SLC4A10: variants seen among roughly 807,000 people sequenced by gnomAD.
SLC4A10 encodes the protein sodium-driven chloride bicarbonate exchanger.
In SLC4A10, 42 loss-of-function variants were observed where a neutral mutation model predicts 137.7. That is an observed-to-expected ratio of 0.30 (90% CI 0.24 to 0.39). SLC4A10 has a LOEUF of 0.39. Among genes scored for constraint, SLC4A10 ranks in the 10% least tolerant of loss-of-function variants. The pLI is 1.00. For synonymous variants in SLC4A10, 474 were observed against 464.1 expected, an observed-to-expected ratio of 1.02 and a Z score of -0.27; for missense variants, 925 against 1,355.0, an observed-to-expected ratio of 0.68 and a Z score of 4.98.
chr2:161,639,573 C>A (rs1363294340), intron 1 of SLC4A10, among the ~76,000 whole-genome samples: 1 of 152,090 alleles, frequency 6.6e-6, no homozygotes, highest in African/African-American at 2.4e-5. Context: ...AATTTAATAT[C>A]CCTTTGTGAT....
intron 15 of SLC4A10, among the ~76,000 whole-genome samples, chr2:161,932,975 T>C (rs1167834368): frequency 6.6e-6 from 1 of 152,294 alleles, no homozygotes; most frequent in Non-Finnish European, 1.5e-5. Context: ...CACAAGGTAT[T>C]GGTCTTTCTG....
At chr2:161,654,406 T>G (rs1262454510) in intron 1 of SLC4A10, among the ~76,000 whole-genome samples, 1 of 152,218 alleles carries the variant, frequency 6.6e-6, no homozygotes, top group African/African-American at 2.4e-5. Flanking sequence ...CATTTGTATA[T>G]TTTTGCTTTT....
chr2:161,898,466 G>A (rs193100157), intron 11 of SLC4A10, among the ~76,000 whole-genome samples: 11 of 152,146 alleles, frequency 7.2e-5, no homozygotes, highest in South Asian at 6.2e-4. Context: ...TCTATTAGAC[G>A]GAGTGAAATG....
At chr2:161,886,772 C>G (rs1331696618) in intron 10 of SLC4A10, among the ~76,000 whole-genome samples, 1 of 151,902 alleles carries the variant, frequency 6.6e-6, no homozygotes, top group Non-Finnish European at 1.5e-5. Context: ...ACCCCCAAAT[C>G]ATCAATCTTA....
At chr2:161,657,993 C>T (rs1036980210) in intron 1 of SLC4A10, among the ~76,000 whole-genome samples, 1 of 152,136 alleles carries the variant, frequency 6.6e-6, no homozygotes, top group African/African-American at 2.4e-5. Context: ...GAGTATTTTA[C>T]TTGTTAATAG....
chr2:161,785,040 A>T (rs1375093971), intron 2 of SLC4A10, among the ~76,000 whole-genome samples: 1 of 151,680 alleles, frequency 6.6e-6, no homozygotes, highest in East Asian at 1.9e-4. Flanking sequence ...TAAATCATAT[A>T]TTAAAGAGGA....
intron 5 of SLC4A10, among the ~76,000 whole-genome samples, chr2:161,857,605 A>G (rs367543729): frequency 7.0e-4 from 106 of 152,272 alleles, no homozygotes; most frequent in African/African-American, 2.4e-3. Context: ...ACTCATTAAA[A>G]TATTTTCTCT....
rs1001166588 is a variant in SLC4A10, at chr2:161,798,037, C to G, written c.131-6412C>G. ...CAAAACAACACAAGGAACAATGGCA[C>G]AGTAGCCTAGTAATACCTCTTTGCT... On this transcript the variant is annotated intron_variant, in intron 2 of 26. Coordinates refer to ENST00000446997, the MANE Select transcript of SLC4A10 (RefSeq NM_001178015.2). Among the ~76,000 whole-genome samples the G allele has an allele frequency of 2.6e-5, 4 of 151,992 alleles. 1 individual carries two copies. In the South Asian group the frequency reaches 8.3e-4, roughly 31 times the overall value.
chr2:161,949,316 A>G, intron 18 of SLC4A10, 55 bp downstream of exon 18: 1 of 1,140,714 alleles, frequency 8.8e-7, no homozygotes, highest in Non-Finnish European at 1.3e-6. Context: ...CTTCATTTAG[A>G]TGATACCTAT....
At chr2:161,973,311 A>G (rs1195005642) in intron 23 of SLC4A10, among the ~76,000 whole-genome samples, 2 of 152,248 alleles carry the variant, frequency 1.3e-5, no homozygotes, top group African/African-American at 2.4e-5. Context: ...AATAAAAGCT[A>G]TAATCTATGA....
At chr2:161,779,773 T>C (rs1334491522) in intron 2 of SLC4A10, among the ~76,000 whole-genome samples, 1 of 152,042 alleles carries the variant, frequency 6.6e-6, no homozygotes, top group African/African-American at 2.4e-5. Context: ...TTTATTTGCA[T>C]GGCCTTTGAG....
intron 3 of SLC4A10, among the ~76,000 whole-genome samples, chr2:161,833,991 G>A (rs980785057): frequency 2.6e-5 from 4 of 152,188 alleles, no homozygotes; most frequent in African/African-American, 7.2e-5. Context: ...TAAGATGAAA[G>A]GGTTAAGATT....
At chr2:161,901,607 A>G (rs986927653) in intron 12 of SLC4A10, among the ~76,000 whole-genome samples, 1 of 152,080 alleles carries the variant, frequency 6.6e-6, no homozygotes. Flanking sequence ...TCTTCAGGGA[A>G]TATGTGTATA....
chr2:161,763,267 C>T (rs1210034838), intron 1 of SLC4A10, among the ~76,000 whole-genome samples: 1 of 151,956 alleles, frequency 6.6e-6, no homozygotes, highest in Admixed American at 6.6e-5. Context: ...AGGTTGCCAT[C>T]CTAATTACAT....
chr2:161,905,177 G>A (rs544758073), intron 14 of SLC4A10, among the ~76,000 whole-genome samples: 5 of 152,172 alleles, frequency 3.3e-5, no homozygotes, highest in African/African-American at 7.2e-5. Context: ...CCTTTAGACC[G>A]GTGGTCTGCA....
intron 10 of SLC4A10, among the ~76,000 whole-genome samples, chr2:161,883,128 A>G (rs2125980747): frequency 6.6e-6 from 1 of 152,178 alleles, no homozygotes; most frequent in African/African-American, 2.4e-5. Context: ...GTTCTCCAAC[A>G]CATTATGGAA....
At chr2:161,872,103 C>A (rs184684680) in intron 6 of SLC4A10, among the ~76,000 whole-genome samples, 190 bp from the exon 7 acceptor site, 1 of 152,088 alleles carries the variant, frequency 6.6e-6, no homozygotes, top group East Asian at 1.9e-4. Flanking sequence ...TGAATTCTCC[C>A]ATTTCTACCT....
intron 26 of SLC4A10, among the ~76,000 whole-genome samples, chr2:161,980,375 G>A (rs1053047204): frequency 2.0e-5 from 3 of 152,100 alleles, no homozygotes; most frequent in Admixed American, 6.5e-5. Flanking sequence ...TAGCCTGGGC[G>A]TGGTGGCTCA....
At chr2:161,925,717 C>T (rs1309894752) in intron 15 of SLC4A10, among the ~76,000 whole-genome samples, 2 of 152,004 alleles carry the variant, frequency 1.3e-5, no homozygotes, top group African/African-American at 4.8e-5. Flanking sequence ...CTACACACTG[C>T]TTTGAATGTG....
Sources: gnomAD v4.1 joint callset for allele counts (sites outside exome capture counted in the v4.1 genomes callset) on GRCh38, gnomAD v4.1.1 for gene constraint, MANE v1.5 for transcripts, NCBI Gene and HGNC (gene_info 2026-07-23, HGNC 2026-07-21) for gene names.